PSTPIP1: variants seen among roughly 807,000 people sequenced by gnomAD.
PSTPIP1 encodes proline-serine-threonine phosphatase-interacting protein 1.
In PSTPIP1, 66 loss-of-function variants were observed where a neutral mutation model predicts 69.6. The ratio of observed to expected loss-of-function variants is 0.95; its 90% CI spans 0.78 to 1.16. The LOEUF (loss-of-function observed/expected upper bound fraction) is 1.16. Among genes scored for constraint, PSTPIP1 ranks in the 50% most tolerant of loss-of-function variants. The pLI is 0.00. For missense variants in PSTPIP1, 603 were observed against 557.4 expected (o/e 1.08, Z -0.82); for synonymous variants, 266 against 222.7 (o/e 1.19, Z -1.73).
Position 76,995,145 on chromosome 15 carries a change from T to TCGGGCTGC in PSTPIP1, c.-427_-420dup, listed in dbSNP as rs2075544492. Reference sequence around the variant, plus strand: ...TTGCACAAACCTTCCTGCGCAGGCCTCGGGCTGCCTGCCTGCCTGCCTGCC... The same window carrying TCGGGCTGC: ...TTGCACAAACCTTCCTGCGCAGGCCTCGGGCTGCCGGGCTGCCTGCCTGCCTGCCTGCC... On this transcript the variant is annotated 5_prime_UTR_variant, in exon 1 of 15. Coordinates refer to ENST00000558012, the MANE Select transcript of PSTPIP1 (RefSeq NM_003978.5). The TCGGGCTGC allele has an allele frequency of 2.8e-6, 3 of 1,054,296 alleles. No homozygotes were observed. The highest frequency in any genetic ancestry group is 3.6e-6 in the Non-Finnish European group (3 of 839,720). The allele number at this position is 1,054,296 out of a possible 1,614,324, so 65.3% of individuals were successfully genotyped here. A position where few individuals can be genotyped will look rare whatever the true frequency, so the allele number is the denominator to read the frequency against.
At chr15:77,030,839 A>C (rs1568517620) in intron 9 of PSTPIP1, among the ~76,000 whole-genome samples, 4 of 152,128 alleles carry the variant, frequency 2.6e-5, no homozygotes, top group African/African-American at 9.7e-5. Flanking sequence ...TGGGACTTGG[A>C]CTAAACCCAC....
chr15:76,998,739 CA>C (rs1183149045), intron 1 of PSTPIP1, among the ~76,000 whole-genome samples: 3 of 152,220 alleles, frequency 2.0e-5, no homozygotes, highest in Non-Finnish European at 4.4e-5. Flanking sequence ...TGGGAGCAGA[CA>C]CAGTCCTGTC....
At chr15:77,036,571 C>A (rs1301117103) in intron 14 of PSTPIP1, among the ~76,000 whole-genome samples, 1 of 152,134 alleles carries the variant, frequency 6.6e-6, no homozygotes, top group Non-Finnish European at 1.5e-5. Flanking sequence ...AGGCCAAGCA[C>A]CCCCACATAG....
intron 1 of PSTPIP1, among the ~76,000 whole-genome samples, chr15:77,003,143 TTCCTC>T (rs1451014872): frequency 6.6e-6 from 1 of 152,172 alleles, no homozygotes; most frequent in Non-Finnish European, 1.5e-5. Context: ...TGGTGGCTGT[TTCCTC>T]TCATGCAAAA....
rs77452498 is a variant in PSTPIP1 at position 77,016,185 on chromosome 15, C to T, written c.37-1963C>T. On this transcript the variant is annotated intron_variant, in intron 1 of 14. Transcript: ENST00000558012. The stretch of plus-strand genomic sequence containing the variant: ...TCTGCAGCGTCAAGCAAGCCATTTC[C>T]TTCTCTGGCCTCAGTTTCCTGAGGA... Among the ~76,000 whole-genome samples the T allele has an allele frequency of 2.1e-3, 323 of 152,328 alleles. 2 individuals are homozygous for T. The highest frequency in any genetic ancestry group is 6.4e-3 in the African/African-American group (267 of 41,576).
At chr15:77,034,813 A>AGCATCTGCC (rs375253913) in intron 12 of PSTPIP1, among the ~76,000 whole-genome samples, 2 of 152,232 alleles carry the variant, frequency 1.3e-5, no homozygotes, top group African/African-American at 2.4e-5. Context: ...GGGTGCCCCC[A>AGCATCTGCC]GCATCTGCCG....
intron 9 of PSTPIP1, among the ~76,000 whole-genome samples, 188 bp from the exon 10 acceptor site, chr15:77,030,992 C>T (rs1408806641): frequency 6.6e-6 from 1 of 152,236 alleles, no homozygotes; most frequent in Admixed American, 6.5e-5. Flanking sequence ...GCATCTCCAC[C>T]TCCCTCCCTG....
At chr15:77,010,057 G>A (rs1213931377) in intron 1 of PSTPIP1, among the ~76,000 whole-genome samples, 1 of 152,112 alleles carries the variant, frequency 6.6e-6, no homozygotes, top group Non-Finnish European at 1.5e-5. Flanking sequence ...CCAGGGCTTG[G>A]GGTCTGGGGT....
intron 1 of PSTPIP1, among the ~76,000 whole-genome samples, chr15:77,016,249 G>T (rs2152677515): frequency 6.6e-6 from 1 of 152,314 alleles, no homozygotes; most frequent in Non-Finnish European, 1.5e-5. Flanking sequence ...AGTTCTCAGG[G>T]CGGGGGGGTC....
At chr15:76,996,831 C>T (rs772773568) in intron 1 of PSTPIP1, among the ~76,000 whole-genome samples, 31 of 152,118 alleles carry the variant, frequency 2.0e-4, no homozygotes, top group Non-Finnish European at 3.7e-4. Flanking sequence ...GACCAGGCAC[C>T]AGGATGCTCA....
intron 13 of PSTPIP1, 65 bp downstream of exon 13, chr15:77,035,628 A>G: frequency 6.6e-7 from 1 of 1,510,028 alleles, no homozygotes. Flanking sequence ...GGTCTCCCAC[A>G]TGGCACAGAT....
Position 76,995,696 on chromosome 15 carries a change from G to A in PSTPIP1, c.36+87G>A, listed in dbSNP as rs765860049. On this transcript the variant is annotated intron_variant, in intron 1 of 14. Coordinates refer to ENST00000558012, the MANE Select transcript of PSTPIP1 (RefSeq NM_003978.5). ...CATGCAGGTGATGGGATGCGGCTCC[G>A]AGAGGGGAGCTTTCTCATAAAATAG... The A allele has an allele frequency of 1.2e-4, 198 of 1,601,798 alleles. 1 individual carries two copies. The Middle Eastern group carries it at 3.4e-3, about 27-fold the overall frequency.
chr15:77,000,181 G>T (rs376097505), intron 1 of PSTPIP1, among the ~76,000 whole-genome samples: 2 of 152,180 alleles, frequency 1.3e-5, no homozygotes, highest in African/African-American at 4.8e-5. Context: ...CACCGCTGCC[G>T]AGTGGGGCAG....
intron 1 of PSTPIP1, among the ~76,000 whole-genome samples, chr15:77,014,546 C>A (rs1176921796): frequency 7.2e-5 from 11 of 152,230 alleles, no homozygotes; most frequent in Admixed American, 7.2e-4. Context: ...CTCCTGCCCC[C>A]ACTTTCCCAA....
chr15:77,033,281 C>T (rs147111015), intron 12 of PSTPIP1, among the ~76,000 whole-genome samples: 453 of 152,356 alleles, frequency 3.0e-3, no homozygotes, highest in Non-Finnish European at 5.7e-3. Context: ...GCAGTGGCAA[C>T]GCTGTCTGGC....
At chr15:77,021,295 T>C (rs1045254592) in intron 3 of PSTPIP1, among the ~76,000 whole-genome samples, 5 of 152,196 alleles carry the variant, frequency 3.3e-5, no homozygotes, top group Non-Finnish European at 7.4e-5. Flanking sequence ...CTTCACATGT[T>C]AACTCAGCAA....
chr15:77,017,953 T>TCACC (rs1427779888), intron 1 of PSTPIP1, among the ~76,000 whole-genome samples, 195 bp from the exon 2 acceptor site: 1 of 152,182 alleles, frequency 6.6e-6, no homozygotes, highest in African/African-American at 2.4e-5. Context: ...TATGTACCTG[T>TCACC]CACCTCTGCA....
In PSTPIP1 at chr15:77,029,514, CCT is replaced by C. The variant is rs778522775; in HGVS notation, c.517-12_517-11del. ...GGGGCAGGGGCTTAGCGCTGCTTCC[CCT>C]CTGTTTCCTCAGAGTCAGAACAAAG... On this transcript the variant is annotated splice_polypyrimidine_tract_variant and intron_variant, in intron 7 of 14. Transcript: ENST00000558012. 8.3e-6 allele frequency: 13 copies of C among 1,572,130 alleles called. No homozygotes were observed. The highest frequency in any genetic ancestry group is 7.4e-5 in the Admixed American group (4 of 53,692).
chr15:77,028,940 C>T (rs746483433), intron 7 of PSTPIP1, among the ~76,000 whole-genome samples: 1 of 152,196 alleles, frequency 6.6e-6, no homozygotes, highest in East Asian at 1.9e-4. Context: ...CAGACGCCAA[C>T]CCTCACACAA....
Sources: allele counts gnomAD v4.1 joint callset (sites outside exome capture counted in the v4.1 genomes callset), GRCh38; gene constraint gnomAD v4.1.1; transcripts MANE v1.5; gene names NCBI Gene and HGNC (gene_info 2026-07-23, HGNC 2026-07-21).